Variants in ZNF804B observed in about 807,000 individuals in gnomAD.
ZNF804B encodes the protein zinc finger 804B.
A neutral mutation model predicts 101.4 loss-of-function variants in ZNF804B; 80 were observed. The observed-to-expected ratio is 0.79, with a 90% CI of 0.66 to 0.95. ZNF804B has a LOEUF of 0.95. Ranked by LOEUF, ZNF804B falls within the 40% of genes least tolerant of loss-of-function variation. The pLI is 0.00. For synonymous variants in ZNF804B, 622 were observed against 558.8 expected (o/e 1.11, Z -1.59); for missense variants, 1,673 against 1,561.9 (o/e 1.07, Z -1.20).
At chr7:89,300,087 C>T (rs879455251) in intron 2 of ZNF804B, among the ~76,000 whole-genome samples, 1 of 151,458 alleles carries the variant, frequency 6.6e-6, no homozygotes, top group Non-Finnish European at 1.5e-5. Context: ...CAGTCTTGCC[C>T]ACTTTATCTA....
intron 1 of ZNF804B, among the ~76,000 whole-genome samples, chr7:89,173,906 T>A (rs1280578169): frequency 2.0e-5 from 3 of 152,108 alleles, no homozygotes; most frequent in Admixed American, 6.5e-5. Context: ...ATTCTATTTA[T>A]CTTTTTTAAT....
chr7:89,162,952 C>G (rs939586667), intron 1 of ZNF804B, among the ~76,000 whole-genome samples: 7 of 149,166 alleles, frequency 4.7e-5, no homozygotes, highest in African/African-American at 1.7e-4. Flanking sequence ...CGATAGTTTA[C>G]TGAGAATGAT....
chr7:88,870,056 G>T (rs938568495), intron 1 of ZNF804B, among the ~76,000 whole-genome samples: 6 of 152,242 alleles, frequency 3.9e-5, no homozygotes, highest in Admixed American at 1.3e-4. Flanking sequence ...CACAGACCAG[G>T]CCCTCCAGGG....
chr7:88,917,484 GTCTGGTA>G (rs1792653647), intron 1 of ZNF804B, among the ~76,000 whole-genome samples: 1 of 151,984 alleles, frequency 6.6e-6, no homozygotes, highest in Non-Finnish European at 1.5e-5. Context: ...CAATATTTTG[GTCTGGTA>G]CACTATTGAC....
chr7:89,156,421 C>T (rs577024908), intron 1 of ZNF804B, among the ~76,000 whole-genome samples: 5 of 152,216 alleles, frequency 3.3e-5, no homozygotes, highest in East Asian at 1.9e-4. Flanking sequence ...GGCCGACCAC[C>T]TCTTTCTCAG....
intron 1 of ZNF804B, among the ~76,000 whole-genome samples, chr7:88,997,652 C>G (rs1010633365): frequency 1.3e-5 from 2 of 152,058 alleles, no homozygotes; most frequent in African/African-American, 2.4e-5. Flanking sequence ...ACCTGGAAAC[C>G]TGAAGGAATC....
intron 1 of ZNF804B, among the ~76,000 whole-genome samples, chr7:88,787,405 A>G (rs890172178): frequency 6.6e-6 from 1 of 152,136 alleles, no homozygotes; most frequent in Non-Finnish European, 1.5e-5. Flanking sequence ...GTAAGTGTTT[A>G]TGCACACTTC....
intron 2 of ZNF804B, among the ~76,000 whole-genome samples, chr7:89,325,033 G>C (rs1790878231): frequency 6.6e-6 from 1 of 151,262 alleles, no homozygotes; most frequent in African/African-American, 2.4e-5. Flanking sequence ...TTTTTTTCCA[G>C]TTTTGTTAGT....
chr7:89,171,146 G>T (rs1791217998), intron 1 of ZNF804B, among the ~76,000 whole-genome samples: 1 of 152,096 alleles, frequency 6.6e-6, no homozygotes, highest in Non-Finnish European at 1.5e-5. Context: ...ATGTGGTTAT[G>T]GTGTGAATTT....
At chr7:88,943,927 C>A (rs1046622485) in intron 1 of ZNF804B, among the ~76,000 whole-genome samples, 5 of 151,750 alleles carry the variant, frequency 3.3e-5, no homozygotes, top group Admixed American at 2.0e-4. Flanking sequence ...TTCATTTCAT[C>A]GTATGTATCA....
chr7:88,900,184 CATATG>C (rs1214916028), intron 1 of ZNF804B, among the ~76,000 whole-genome samples: 1 of 152,042 alleles, frequency 6.6e-6, no homozygotes, highest in Non-Finnish European at 1.5e-5. Context: ...TTTGTAAATT[CATATG>C]ATACAGCAAT....
At chr7:89,021,641 G>T (rs1286606976) in intron 1 of ZNF804B, among the ~76,000 whole-genome samples, 1 of 152,188 alleles carries the variant, frequency 6.6e-6, no homozygotes, top group East Asian at 1.9e-4. Flanking sequence ...CCTGGGTGCA[G>T]TTGCAGTGGG....
chr7:89,212,519 TATC>T (rs1388685749), intron 1 of ZNF804B, among the ~76,000 whole-genome samples: 1 of 152,146 alleles, frequency 6.6e-6, no homozygotes, highest in Non-Finnish European at 1.5e-5. Context: ...CAGGCTTAAA[TATC>T]ATCATTCTCC....
chr7:88,880,060 A>C (rs1792010345), intron 1 of ZNF804B, among the ~76,000 whole-genome samples: 1 of 151,212 alleles, frequency 6.6e-6, no homozygotes, highest in South Asian at 2.1e-4. Flanking sequence ...GAAAAAAAAA[A>C]ACCACTTATC....
chr7:89,246,573 T>C (rs1163663067), intron 2 of ZNF804B, among the ~76,000 whole-genome samples: 2 of 151,940 alleles, frequency 1.3e-5, no homozygotes, highest in East Asian at 3.9e-4. Flanking sequence ...TCCTCTGTGT[T>C]TTATACCCAG....
chr7:89,133,586 G>A (rs1473770775), intron 1 of ZNF804B, among the ~76,000 whole-genome samples: 1 of 151,990 alleles, frequency 6.6e-6, no homozygotes, highest in Non-Finnish European at 1.5e-5. Context: ...TCATGTTCAC[G>A]TTCTCTGAGC....
At chr7:89,190,759 C>A (rs140563064) in intron 1 of ZNF804B, among the ~76,000 whole-genome samples, 2 of 152,116 alleles carry the variant, frequency 1.3e-5, no homozygotes, top group African/African-American at 2.4e-5. Flanking sequence ...GCAATCACCA[C>A]CCTGATCAGT....
chr7:89,296,187 A>C (rs1790380574), intron 2 of ZNF804B, among the ~76,000 whole-genome samples: 1 of 152,132 alleles, frequency 6.6e-6, no homozygotes. Flanking sequence ...ATACATAAAT[A>C]AAATAGGCTC....
intron 1 of ZNF804B, among the ~76,000 whole-genome samples, chr7:88,818,414 G>C (rs1293350002): frequency 1.3e-5 from 2 of 151,874 alleles, no homozygotes; most frequent in Non-Finnish European, 2.9e-5. Context: ...TTTTTTCTTA[G>C]AAAAATATAT....
Sources: gnomAD v4.1 joint callset for allele counts (sites outside exome capture counted in the v4.1 genomes callset) on GRCh38, gnomAD v4.1.1 for gene constraint, MANE v1.5 for transcripts, NCBI Gene and HGNC (gene_info 2026-07-23, HGNC 2026-07-21) for gene names.